Variants in TNNT3 observed in about 807,000 individuals in gnomAD.
The protein encoded by TNNT3 is troponin T3, fast skeletal type.
Under a neutral mutation model 54.2 loss-of-function variants are expected in TNNT3, and 36 were observed. The observed-to-expected ratio is 0.66, with a 90% CI of 0.51 to 0.88. The LOEUF (loss-of-function observed/expected upper bound fraction) is 0.88. TNNT3 is among the 40% of genes least tolerant of loss of function. The pLI is 0.00. For synonymous variants in TNNT3, 120 were observed against 109.7 expected, an observed-to-expected ratio of 1.09 and a Z score of -0.59; for missense variants, 291 against 331.6, an observed-to-expected ratio of 0.88 and a Z score of 0.95.
At chr11:1,935,924 C>T (rs998260868) in intron 14 of TNNT3, among the ~76,000 whole-genome samples, 3 of 152,182 alleles carry the variant, frequency 2.0e-5, no homozygotes, top group South Asian at 2.1e-4. Flanking sequence ...CACTCCCTCC[C>T]AGAGCTGTCC....
chr11:1,935,546 T>A, intron 14 of TNNT3: 1 of 173,444 alleles, frequency 5.8e-6, no homozygotes, highest in Non-Finnish European at 1.3e-5. Context: ...CCGGGCGGCC[T>A]CAGGGACTGG....
intron 1 of TNNT3, among the ~76,000 whole-genome samples, chr11:1,922,220 G>T (rs1338502864): frequency 6.6e-6 from 1 of 152,172 alleles, no homozygotes; most frequent in African/African-American, 2.4e-5. Context: ...CTGTGATCTT[G>T]GAGGAGGGGT....
chr11:1,926,644 T>C (rs1403903609), intron 5 of TNNT3, 51 bp from the exon 6 acceptor site: 1 of 1,612,714 alleles, frequency 6.2e-7, no homozygotes, highest in Non-Finnish European at 8.5e-7. Flanking sequence ...CCACTCACAC[T>C]GGTCCTCTCT....
At chr11:1,927,304 C>T (rs947728502) in intron 6 of TNNT3, among the ~76,000 whole-genome samples, 1 of 152,178 alleles carries the variant, frequency 6.6e-6, no homozygotes, top group African/African-American at 2.4e-5. Context: ...GAGCCAGACA[C>T]ACCCGGAGTG....
rs541066432 is a variant in TNNT3, at chr11:1,931,163, A to G, written c.126-1306A>G. ...ATTTTGAATGGCCACATAATATTCCATCAATTGGACAAACCATAATTTTCC... is the reference window on the plus strand; with the variant it reads ...ATTTTGAATGGCCACATAATATTCCGTCAATTGGACAAACCATAATTTTCC... On this transcript the variant is annotated intron_variant, in intron 8 of 15. Transcript: ENST00000278317. Among the ~76,000 whole-genome samples, 3 of 152,320 alleles carry G rather than the reference A, an allele frequency of 2.0e-5. No homozygotes were observed. In the East Asian group the frequency reaches 5.8e-4, roughly 29 times the overall value.
At chr11:1,930,998 T>C (rs1050759627) in intron 8 of TNNT3, among the ~76,000 whole-genome samples, 1 of 152,192 alleles carries the variant, frequency 6.6e-6, no homozygotes, top group Admixed American at 6.5e-5. Context: ...TTTCCATGCA[T>C]AGCGCTTGGA....
Position 1,938,389 on chromosome 11 carries a change from C to T in TNNT3, c.723-49C>T. 3 of 1,600,754 alleles carry T rather than the reference C, an allele frequency of 1.9e-6. No individual in the cohort carries two copies. In the South Asian group the frequency reaches 3.3e-5, roughly 18 times the overall value. On this transcript the variant is annotated intron_variant, in intron 15 of 15. Transcript: ENST00000278317. The stretch of plus-strand genomic sequence containing the variant: ...GCCCAGGGTGGGGGACCAGGAGGGG[C>T]ATGGCCAGAGGCCCTGACCCTGAAG...
chr11:1,923,188 G>T, intron 3 of TNNT3, 127 bp downstream of exon 3: 1 of 1,361,910 alleles, frequency 7.3e-7, no homozygotes, highest in Non-Finnish European at 1.0e-6. Context: ...TCCCATGGGT[G>T]GCTTCTGAGT....
chr11:1,920,639 G>A (rs1482411188), intron 1 of TNNT3, among the ~76,000 whole-genome samples: 1 of 152,168 alleles, frequency 6.6e-6, no homozygotes, highest in Admixed American at 6.5e-5. Flanking sequence ...AGGGGCAGCG[G>A]CTTTTGCCTC....
rs1854101287 is a variant in TNNT3, at chr11:1,933,711, C to G, written c.172-10C>G. ...GGGGTGGGGCTCACACCCACTGCCC[C>G]TGCCCACAGGACATCCAGAAGAAGC... On this transcript the variant is annotated splice_polypyrimidine_tract_variant and intron_variant, in intron 9 of 15. Coordinates refer to ENST00000278317, the MANE Select transcript of TNNT3 (RefSeq NM_006757.4). 2 of 1,610,774 alleles carry G rather than the reference C, an allele frequency of 1.2e-6. No homozygotes were observed. The highest frequency in any genetic ancestry group is 1.7e-5 in the Admixed American group (1 of 60,000).
intron 8 of TNNT3, among the ~76,000 whole-genome samples, chr11:1,931,870 A>G (rs1853475090): frequency 1.3e-5 from 2 of 151,552 alleles, no homozygotes; most frequent in Admixed American, 1.3e-4. Context: ...ACTTTCTTCT[A>G]TGGTTTGTTG....
intron 5 of TNNT3, among the ~76,000 whole-genome samples, chr11:1,925,871 A>C (rs1851438221): frequency 6.6e-6 from 1 of 152,324 alleles, no homozygotes; most frequent in Admixed American, 6.5e-5. Flanking sequence ...ATCAGCAGGC[A>C]GAGCCATCAC....
chr11:1,925,386 C>A (rs1252631766), intron 5 of TNNT3: 1 of 1,317,094 alleles, frequency 7.6e-7, no homozygotes. Flanking sequence ...AGGTACCAGC[C>A]AGCCAAGGGG....
In TNNT3 at chr11:1,926,120, CT is replaced by C. The variant is rs540894512; in HGVS notation, c.68-573del. Among the ~76,000 whole-genome samples the C allele has an allele frequency of 4.6e-5, 7 of 152,290 alleles. No homozygotes were observed. The East Asian group carries it at 1.4e-3, about 30-fold the overall frequency. On this transcript the variant is annotated intron_variant, in intron 5 of 15. Transcript: ENST00000278317. ...TGCCCCGGCCAGAGGCGCGGACACCCTTCTGGGGGCGCCCCAGGACAGACAG... is the reference window on the plus strand; with the variant it reads ...TGCCCCGGCCAGAGGCGCGGACACCCTCTGGGGGCGCCCCAGGACAGACAG...
Position 1,923,589 on chromosome 11 carries a change from C to A in TNNT3, c.49+17C>A. 6.2e-7 allele frequency: 1 copy of A among 1,612,998 alleles called. No individual in the cohort carries two copies. The highest frequency in any genetic ancestry group is 8.5e-7 in the Non-Finnish European group (1 of 1,179,184). On this transcript the variant is annotated intron_variant, in intron 4 of 15. Transcript: ENST00000278317. ...AAGAAGAAGGTAATTCTGGCAACCA[C>A]CGGAAGCCCCCCCAGCCCCTCCTTG... is the stretch of plus-strand genomic sequence containing the variant.
chr11:1,928,911 C>T, intron 6 of TNNT3: 1 of 663,842 alleles, frequency 1.5e-6, no homozygotes, highest in Non-Finnish European at 2.7e-6. Context: ...CCACTGGGCA[C>T]CCAGCCCCTT....
At chr11:1,935,526 G>A (rs982745141) in intron 14 of TNNT3, 9 of 174,286 alleles carry the variant, frequency 5.2e-5, no homozygotes, top group Non-Finnish European at 9.9e-5. Context: ...GACTGGGGAA[G>A]GCAGCCTGCC....
intron 5 of TNNT3, chr11:1,926,377 G>A (rs1394725098): frequency 3.9e-6 from 6 of 1,533,400 alleles, no homozygotes; most frequent in African/African-American, 1.4e-5. Context: ...GCCTCGAGTG[G>A]CGACGGGCTT....
chr11:1,920,422 T>C (rs1451367363), intron 1 of TNNT3, among the ~76,000 whole-genome samples: 1 of 152,094 alleles, frequency 6.6e-6, no homozygotes. Context: ...CTGGGCTTCA[T>C]CGCGTCCCCC....
Sources: gnomAD v4.1 joint callset for allele counts (sites outside exome capture counted in the v4.1 genomes callset) on GRCh38, gnomAD v4.1.1 for gene constraint, MANE v1.5 for transcripts, NCBI Gene and HGNC (gene_info 2026-07-23, HGNC 2026-07-21) for gene names.